HPSE2: variants seen among roughly 807,000 people sequenced by gnomAD.
The protein encoded by HPSE2 is inactive heparanase-2.
A neutral mutation model predicts 60.5 loss-of-function variants in HPSE2; 38 were observed. The observed-to-expected ratio is 0.63, with a 90% CI of 0.48 to 0.82. The LOEUF is 0.82. HPSE2 is among the 40% of genes least tolerant of loss of function. The pLI is 0.00. For missense variants in HPSE2, 713 were observed against 740.4 expected (o/e 0.96, Z 0.43); for synonymous variants, 295 against 293.2 (o/e 1.01, Z -0.06).
At chr10:98,634,505 C>A (rs1007625360) in intron 7 of HPSE2, among the ~76,000 whole-genome samples, 1 of 147,130 alleles carries the variant, frequency 6.8e-6, no homozygotes, top group Non-Finnish European at 1.5e-5. Flanking sequence ...CTATGGTGCT[C>A]AAGAAGAAGT....
chr10:99,236,641 G>C (rs572448785), upstream of HPSE2, among the ~76,000 whole-genome samples: 105 of 152,274 alleles, frequency 6.9e-4, no homozygotes, highest in Non-Finnish European at 1.2e-3. Flanking sequence ...GCAAAGAGTA[G>C]CAAGAAGGAA....
At chr10:98,616,607 AATTAT>A (rs1475491901) in intron 8 of HPSE2, among the ~76,000 whole-genome samples, 1 of 152,210 alleles carries the variant, frequency 6.6e-6, no homozygotes, top group African/African-American at 2.4e-5. Flanking sequence ...TTACATTTAC[AATTAT>A]ATTTTATTCT....
chr10:99,086,720 G>A (rs1182138783), intron 3 of HPSE2, among the ~76,000 whole-genome samples: 1 of 152,144 alleles, frequency 6.6e-6, no homozygotes, highest in African/African-American at 2.4e-5. Flanking sequence ...ATCTGTTATA[G>A]AAAACAAATC....
intron 3 of HPSE2, among the ~76,000 whole-genome samples, chr10:98,998,338 T>A (rs1956696761): frequency 6.6e-6 from 1 of 152,250 alleles, no homozygotes. Flanking sequence ...CAGTGGTTTT[T>A]CCTGTGATAG....
intron 11 of HPSE2, among the ~76,000 whole-genome samples, chr10:98,466,745 C>T (rs1340088125): frequency 6.6e-6 from 1 of 152,142 alleles, no homozygotes; most frequent in Non-Finnish European, 1.5e-5. Flanking sequence ...TCCCTTCTGG[C>T]TTAACCGTTT....
intron 3 of HPSE2, among the ~76,000 whole-genome samples, chr10:99,066,384 C>T (rs776036945): frequency 2.0e-5 from 3 of 152,008 alleles, no homozygotes; most frequent in Non-Finnish European, 4.4e-5. Context: ...TAAACTCAAC[C>T]CGAAGCAAAG....
At position 98,954,650 on chromosome 10, in the gene HPSE2, G is replaced by A. The variant is rs536973755; in HGVS notation, c.610+189588C>T. Among the ~76,000 whole-genome samples the A allele has an allele frequency of 3.9e-5, 6 of 152,218 alleles. No individual in the cohort carries two copies. In the East Asian group the frequency reaches 7.7e-4, roughly 20 times the overall value. On this transcript the variant is annotated intron_variant, in intron 3 of 11. Transcript: ENST00000370552. Reference sequence around the variant, plus strand: ...CAAGTTGAACACCTTTCGGCATCACGTAGCCACTGGGATCCTGAAAGCACT... The same window carrying A: ...CAAGTTGAACACCTTTCGGCATCACATAGCCACTGGGATCCTGAAAGCACT...
chr10:99,179,175 C>CA (rs1847655401), intron 2 of HPSE2, among the ~76,000 whole-genome samples: 3 of 152,088 alleles, frequency 2.0e-5, no homozygotes, highest in African/African-American at 7.2e-5. Flanking sequence ...ACTGAATGGG[C>CA]AAAAACTAGA....
chr10:98,514,972 C>A (rs1942551062), intron 9 of HPSE2, among the ~76,000 whole-genome samples: 1 of 152,080 alleles, frequency 6.6e-6, no homozygotes, highest in Non-Finnish European at 1.5e-5. Flanking sequence ...AATCCGCCCG[C>A]CTCGGCCTCC....
rs780620816 is a variant in HPSE2 at position 98,721,655 on chromosome 10, A to G, written c.956+2T>C. 6.2e-7 allele frequency: 1 copy of G among 1,613,048 alleles called. No homozygotes were observed. The highest frequency in any genetic ancestry group is 1.7e-5 in the Admixed American group (1 of 59,886). ...TAAGAAAAGCTAAATAATCTGACCT[A>G]CCCATCTAGGAGGGCGATGACATTC... On this transcript the variant is annotated splice_donor_variant, in intron 5 of 11. Coordinates refer to ENST00000370552, the MANE Select transcript of HPSE2 (RefSeq NM_021828.5). LOFTEE classifies it high-confidence loss of function.
intron 3 of HPSE2, among the ~76,000 whole-genome samples, chr10:98,829,967 C>T (rs1306526046): frequency 6.6e-6 from 1 of 152,142 alleles, no homozygotes; most frequent in African/African-American, 2.4e-5. Context: ...CACCTATTGA[C>T]CCATCCCATA....
intron 3 of HPSE2, among the ~76,000 whole-genome samples, chr10:98,750,775 G>A (rs551580626): frequency 6.6e-6 from 1 of 152,282 alleles, no homozygotes; most frequent in Non-Finnish European, 1.5e-5. Context: ...ATGAGAATTT[G>A]GGCTTGGGGC....
At chr10:99,249,833 T>C in the HPSE2 span, among the ~76,000 whole-genome samples, 1 of 152,092 alleles carries the variant, frequency 6.6e-6, no homozygotes, top group Non-Finnish European at 1.5e-5. Context: ...TGAGTTCTCA[T>C]GAAATCTGGT....
intron 3 of HPSE2, among the ~76,000 whole-genome samples, chr10:99,050,431 T>A (rs1480263178): frequency 6.6e-6 from 1 of 152,142 alleles, no homozygotes; most frequent in Non-Finnish European, 1.5e-5. Flanking sequence ...GTATGGATAT[T>A]CCTCTAAAAA....
chr10:98,564,432 G>A (rs1196483294), intron 9 of HPSE2, among the ~76,000 whole-genome samples: 1 of 152,116 alleles, frequency 6.6e-6, no homozygotes, highest in East Asian at 1.9e-4. Context: ...AACTATTGTT[G>A]CAATTTCTTT....
At chr10:99,071,981 A>G (rs1842804640) in intron 3 of HPSE2, among the ~76,000 whole-genome samples, 1 of 150,676 alleles carries the variant, frequency 6.6e-6, no homozygotes, top group African/African-American at 2.4e-5. Context: ...GCTTTGTAAT[A>G]ATATATTTTG....
chr10:98,489,924 A>T, intron 10 of HPSE2, 127 bp downstream of exon 10: 2 of 975,976 alleles, frequency 2.0e-6, no homozygotes, highest in Non-Finnish European at 3.3e-6. Context: ...AAGAGCAGGT[A>T]TGGTGATTCC....
At chr10:98,627,287 C>T (rs1011767634) in intron 7 of HPSE2, among the ~76,000 whole-genome samples, 5 of 152,024 alleles carry the variant, frequency 3.3e-5, no homozygotes, top group Admixed American at 6.6e-5. Context: ...GCCTGGGCAA[C>T]ACAGCTAAAT....
chr10:99,254,538 T>G, the HPSE2 span, among the ~76,000 whole-genome samples: 1 of 152,122 alleles, frequency 6.6e-6, no homozygotes, highest in African/African-American at 2.4e-5. Context: ...CTCCCAAATC[T>G]AAAAGTTGAA....
Sources: gnomAD v4.1 joint callset for allele counts (sites outside exome capture counted in the v4.1 genomes callset) on GRCh38, gnomAD v4.1.1 for gene constraint, MANE v1.5 for transcripts, NCBI Gene and HGNC (gene_info 2026-07-23, HGNC 2026-07-21) for gene names.